The following ATP6V0D1 variants were observed in gnomAD, a reference collection of about 807,000 sequenced individuals.
ATP6V0D1 encodes ATPase H+ transporting V0 subunit d1, also known as V-type proton ATPase subunit d 1.
Under a neutral mutation model 39.0 loss-of-function variants are expected in ATP6V0D1, and 13 were observed. The ratio of observed to expected loss-of-function variants is 0.33; its 90% CI spans 0.22 to 0.53. The LOEUF (loss-of-function observed/expected upper bound fraction) is 0.53, where lower values mean the gene tolerates loss of function less well. Ranked by LOEUF, ATP6V0D1 falls within the 20% of genes least tolerant of loss-of-function variation. ATP6V0D1 has a pLI of 0.94. For missense variants in ATP6V0D1, 272 were observed against 470.9 expected, an observed-to-expected ratio of 0.58 and a Z score of 3.91; for synonymous variants, 191 against 191.2, an observed-to-expected ratio of 1.00 and a Z score of 0.01.
chr16:67,442,758 G>A (rs1338636460), intron 4 of ATP6V0D1, among the ~76,000 whole-genome samples: 1 of 152,172 alleles, frequency 6.6e-6, no homozygotes. Context: ...AATAGCTTAG[G>A]TAGGGCGGTT....
At chr16:67,445,934 G>A (rs1163529164) in intron 2 of ATP6V0D1, 2 of 455,910 alleles carry the variant, frequency 4.4e-6, no homozygotes, top group South Asian at 1.5e-5. Flanking sequence ...ATGAGGCCTA[G>A]GGGAAATTCC....
chr16:67,458,973 A>G (rs2041266763), intron 1 of ATP6V0D1: 1 of 856,712 alleles, frequency 1.2e-6, no homozygotes, highest in Admixed American at 6.2e-5. Context: ...CCATCACCAG[A>G]ATGAAGTCCT....
At chr16:67,454,294 G>A (rs2041214233) in intron 1 of ATP6V0D1, among the ~76,000 whole-genome samples, 1 of 152,222 alleles carries the variant, frequency 6.6e-6, no homozygotes, top group African/African-American at 2.4e-5. Context: ...AGGATGGTGT[G>A]AGTGACAAGT....
At chr16:67,451,278 C>T (rs988231643) in intron 2 of ATP6V0D1, among the ~76,000 whole-genome samples, 14 of 152,106 alleles carry the variant, frequency 9.2e-5, no homozygotes, top group Admixed American at 5.9e-4. Context: ...GACCATGAGT[C>T]GGGCGGCCAA....
intron 1 of ATP6V0D1, among the ~76,000 whole-genome samples, chr16:67,463,594 A>AAAGAAAAAAG (rs1244665625): frequency 6.6e-6 from 1 of 152,170 alleles, no homozygotes; most frequent in East Asian, 1.9e-4. Flanking sequence ...AAAGAAAGAA[A>AAAGAAAAAAG]AAGAAAAAAG....
At chr16:67,458,036 G>A (rs969995189) in intron 1 of ATP6V0D1, among the ~76,000 whole-genome samples, 1 of 152,186 alleles carries the variant, frequency 6.6e-6, no homozygotes, top group Non-Finnish European at 1.5e-5. Context: ...CAGGGAAGGG[G>A]GACAGCCTGC....
intron 1 of ATP6V0D1, among the ~76,000 whole-genome samples, chr16:67,475,963 C>T (rs1250937966): frequency 1.3e-5 from 2 of 152,216 alleles, no homozygotes; most frequent in Non-Finnish European, 2.9e-5. Flanking sequence ...GATGGAGTGG[C>T]TCACACCTGT....
At position 67,453,449 on chromosome 16, in the gene ATP6V0D1, C is replaced by G; in HGVS notation, c.302+95G>C. 4.8e-6 allele frequency: 7 copies of G among 1,461,100 alleles called. No individual in the cohort carries two copies. Among genetic ancestry groups the G allele is most frequent in the Non-Finnish European group, 6.6e-6 (7 of 1,065,572 alleles). 90.5% of individuals were successfully genotyped at this position (1,461,100 alleles called of 1,614,324 possible). A position where few individuals can be genotyped will look rare whatever the true frequency, so the allele number is the denominator to read the frequency against. On this transcript the variant is annotated intron_variant, in intron 2 of 7. Transcript: ENST00000290949. This position sits in a 1 kb window ranked among gnomAD's most constrained non-coding sequence, Gnocchi z 4.1. ...TCAGCTCTGACAGCTGACACAGGCA[C>G]GAAGGCAGCTAGCCTAAGCCACACT...
chr16:67,463,433 A>AG (rs1308694547), intron 1 of ATP6V0D1, among the ~76,000 whole-genome samples: 1 of 152,090 alleles, frequency 6.6e-6, no homozygotes, highest in African/African-American at 2.4e-5. Context: ...CGAAAGGCTA[A>AG]GGTGAGAGGA....
At chr16:67,457,711 CT>C (rs1469005458) in intron 1 of ATP6V0D1, 5 of 1,174,052 alleles carry the variant, frequency 4.3e-6, no homozygotes, top group Non-Finnish European at 5.7e-6. Context: ...AGAGGGCTCT[CT>C]TCTGCAGGCC....
At chr16:67,472,216 T>C (rs1164899942) in intron 1 of ATP6V0D1, among the ~76,000 whole-genome samples, 1 of 152,130 alleles carries the variant, frequency 6.6e-6, no homozygotes, top group African/African-American at 2.4e-5. Context: ...GGGGTCCCCT[T>C]GTGCAGCAAT....
chr16:67,470,779 C>T (rs72790338), intron 1 of ATP6V0D1, among the ~76,000 whole-genome samples: 1,556 of 152,168 alleles, frequency 0.01, 9 homozygotes, highest in Middle Eastern at 0.037. Flanking sequence ...CTCTGGTAGC[C>T]CGTATCTCAA....
chr16:67,466,841 A>G (rs1319501343), intron 1 of ATP6V0D1, among the ~76,000 whole-genome samples: 1 of 152,210 alleles, frequency 6.6e-6, no homozygotes, highest in Non-Finnish European at 1.5e-5. Context: ...ATAGGTGGAT[A>G]TAAGCCTGGA....
intron 1 of ATP6V0D1, among the ~76,000 whole-genome samples, chr16:67,460,777 A>G (rs1451501549): frequency 6.6e-6 from 1 of 151,996 alleles, no homozygotes; most frequent in Non-Finnish European, 1.5e-5. Flanking sequence ...ATCACCCATC[A>G]GCTGATCCAT....
At chr16:67,461,121 T>C (rs1200609129) in intron 1 of ATP6V0D1, among the ~76,000 whole-genome samples, 1 of 152,206 alleles carries the variant, frequency 6.6e-6, no homozygotes, top group Non-Finnish European at 1.5e-5. Context: ...CAGCAGTGTG[T>C]AGCCTTGACT....
chr16:67,457,479 C>A, intron 1 of ATP6V0D1: 1 of 909,910 alleles, frequency 1.1e-6, no homozygotes, highest in Non-Finnish European at 1.5e-6. Context: ...CCCAGATGAG[C>A]TGGCAGGTGG....
intron 2 of ATP6V0D1, among the ~76,000 whole-genome samples, chr16:67,450,946 C>T (rs2041173036): frequency 6.6e-6 from 1 of 152,120 alleles, no homozygotes; most frequent in Admixed American, 6.5e-5. Flanking sequence ...TATTGGCTTC[C>T]ACTGTCTTTG....
chr16:67,451,428 C>T (rs1292126734), intron 2 of ATP6V0D1, among the ~76,000 whole-genome samples: 1 of 152,128 alleles, frequency 6.6e-6, no homozygotes, highest in African/African-American at 2.4e-5. Flanking sequence ...AACCCGTGTC[C>T]CACAAGGGAC....
At position 67,452,339 on chromosome 16, in the gene ATP6V0D1, T is replaced by C. The variant is rs762139141; in HGVS notation, c.302+1205A>G. On this transcript the variant is annotated intron_variant, in intron 2 of 7. Transcript: ENST00000290949. ...TGGGCATGTTCCCTGGCCCTTCAGG[T>C]GTCCCAGCCTCTGACTCCTGCCTGA... 3 of 1,535,680 alleles carry C rather than the reference T, an allele frequency of 2.0e-6. No homozygotes were observed. The South Asian group carries it at 3.6e-5, about 18-fold the overall frequency.
Sources: gnomAD v4.1 joint callset for allele counts (sites outside exome capture counted in the v4.1 genomes callset) on GRCh38, gnomAD v4.1.1 for gene constraint, Gnocchi (gnomAD v3.1) non-coding constraint, MANE v1.5 for transcripts, NCBI Gene and HGNC (gene_info 2026-07-23, HGNC 2026-07-21) for gene names.